The following LRP1B variants were observed in gnomAD, a reference collection of about 807,000 sequenced individuals.
LRP1B encodes LDL receptor related protein 1B, also known as low-density lipoprotein receptor-related protein 1B.
In LRP1B, 217 loss-of-function variants were observed where a neutral mutation model predicts 556.6. The ratio of observed to expected loss-of-function variants is 0.39; its 90% CI spans 0.35 to 0.44. LRP1B has a LOEUF of 0.44. Ranked by LOEUF, LRP1B falls within the 20% of genes least tolerant of loss-of-function variation. The probability of loss-of-function intolerance (pLI) is 1.00; values close to 1 mark genes in which losing one functional copy is unlikely to be tolerated. For missense variants in LRP1B, 5,053 were observed against 5,620.8 expected (o/e 0.90, Z 3.23); for synonymous variants, 2,047 against 1,865.8 (o/e 1.10, Z -2.50).
chr2:140,798,981 G>A (rs1476997836), intron 32 of LRP1B, among the ~76,000 whole-genome samples: 4 of 152,074 alleles, frequency 2.6e-5, no homozygotes, highest in Non-Finnish European at 5.9e-5. Context: ...CAAAGTAGAT[G>A]CTCTGTAAAT....
intron 2 of LRP1B, among the ~76,000 whole-genome samples, chr2:141,791,148 C>G (rs900273743): frequency 5.3e-5 from 8 of 151,664 alleles, no homozygotes; most frequent in African/African-American, 1.9e-4. Context: ...CTAAAAAATT[C>G]CTGACACCAC....
At chr2:140,977,058 C>A (rs1045629583) in intron 18 of LRP1B, among the ~76,000 whole-genome samples, 1 of 152,150 alleles carries the variant, frequency 6.6e-6, no homozygotes, top group African/African-American at 2.4e-5. Context: ...CATGTTTAAT[C>A]ATGAAATGCC....
chr2:140,407,071 T>C (rs1045671697), intron 66 of LRP1B, among the ~76,000 whole-genome samples: 3 of 151,852 alleles, frequency 2.0e-5, no homozygotes, highest in Non-Finnish European at 4.4e-5. Context: ...TGAGAGAGTA[T>C]ACAGAAACAT....
intron 32 of LRP1B, among the ~76,000 whole-genome samples, chr2:140,812,831 T>C (rs1690974879): frequency 6.6e-6 from 1 of 152,052 alleles, no homozygotes; most frequent in Non-Finnish European, 1.5e-5. Context: ...TAACCGCAAA[T>C]GCAATTACTG....
At chr2:141,332,635 A>G (rs888384312) in intron 3 of LRP1B, among the ~76,000 whole-genome samples, 1 of 151,306 alleles carries the variant, frequency 6.6e-6, no homozygotes, top group Non-Finnish European at 1.5e-5. Context: ...TTTTCTTGAA[A>G]ATGGATGGGT....
intron 37 of LRP1B, among the ~76,000 whole-genome samples, chr2:140,706,334 G>A (rs986942670): frequency 7.9e-5 from 12 of 152,108 alleles, no homozygotes; most frequent in Non-Finnish European, 1.6e-4. Flanking sequence ...ATGGGCACAT[G>A]TAGCCCTACT....
rs961328194 is a variant in LRP1B at position 141,686,629 on chromosome 2, C to T, written c.205+123650G>A. Among the ~76,000 whole-genome samples, 11 of 152,058 alleles carry T rather than the reference C, an allele frequency of 7.2e-5. No individual in the cohort carries two copies. The East Asian group carries it at 2.1e-3, about 30-fold the overall frequency. ...TGGAGGGAAAAGAACTTCTGCTTTACTCTCAGACAAATCATTCATATATTC... is the reference window on the plus strand; with the variant it reads ...TGGAGGGAAAAGAACTTCTGCTTTATTCTCAGACAAATCATTCATATATTC... On this transcript the variant is annotated intron_variant, in intron 2 of 90. Coordinates refer to ENST00000389484, the MANE Select transcript of LRP1B (RefSeq NM_018557.3).
intron 3 of LRP1B, among the ~76,000 whole-genome samples, chr2:141,460,342 G>A (rs1681814480): frequency 6.6e-6 from 1 of 152,196 alleles, no homozygotes; most frequent in East Asian, 1.9e-4. Flanking sequence ...TGCCAAAAAT[G>A]TAAGGTAGAA....
chr2:141,244,855 C>G (rs1287291465), intron 5 of LRP1B, among the ~76,000 whole-genome samples: 2 of 151,980 alleles, frequency 1.3e-5, no homozygotes, highest in African/African-American at 2.4e-5. Context: ...CCCATGGTAA[C>G]TGCATATTTT....
intron 2 of LRP1B, among the ~76,000 whole-genome samples, chr2:141,787,424 C>T (rs1595320): frequency 0.19 from 28,434 of 151,794 alleles, 3,132 homozygotes; most frequent in East Asian, 0.38. Flanking sequence ...GAATTAGCTA[C>T]TGATATATGC....
At chr2:140,638,232 T>A (rs981039248) in intron 41 of LRP1B, among the ~76,000 whole-genome samples, 4 of 152,194 alleles carry the variant, frequency 2.6e-5, no homozygotes, top group Non-Finnish European at 5.9e-5. Flanking sequence ...TGAGCTGAGG[T>A]ATGATGTAGT....
intron 1 of LRP1B, among the ~76,000 whole-genome samples, chr2:141,906,457 C>G (rs960588111): frequency 6.6e-6 from 1 of 151,874 alleles, no homozygotes; most frequent in African/African-American, 2.4e-5. Flanking sequence ...TTTTGATAAC[C>G]TGGTGTCAGT....
chr2:140,505,247 C>T (rs1426318501), intron 53 of LRP1B, among the ~76,000 whole-genome samples: 9 of 150,436 alleles, frequency 6.0e-5, no homozygotes, highest in Admixed American at 4.6e-4. Flanking sequence ...GATGGAAAAC[C>T]GAGGCCCAGG....
chr2:141,192,095 G>A (rs1052334431), intron 6 of LRP1B, among the ~76,000 whole-genome samples: 2 of 151,874 alleles, frequency 1.3e-5, no homozygotes, highest in Admixed American at 6.6e-5. Flanking sequence ...CAAACACTTA[G>A]TAACTATGGG....
chr2:141,102,015 A>G (rs1700473891), intron 7 of LRP1B, among the ~76,000 whole-genome samples: 1 of 152,168 alleles, frequency 6.6e-6, no homozygotes, highest in Admixed American at 6.6e-5. Context: ...AAAGCTATGA[A>G]CTTATTTGGT....
At chr2:140,664,780 A>G (rs1013001043) in intron 41 of LRP1B, among the ~76,000 whole-genome samples, 1 of 152,050 alleles carries the variant, frequency 6.6e-6, no homozygotes, top group South Asian at 2.1e-4. Context: ...GCTTTGTGAC[A>G]TCTTTCCCTG....
At position 141,374,332 on chromosome 2, in the gene LRP1B, A is replaced by G. The variant is rs548867094; in HGVS notation, c.343+106064T>C. 3.3e-5 allele frequency among the ~76,000 whole-genome samples: 5 copies of G among 152,252 alleles called. No individual in the cohort carries two copies. The East Asian group carries it at 9.7e-4, about 29-fold the overall frequency. ...TACTTCTTTCACTTTAACTTTTGACATTCTGACTATAATATGTTTGGTGAA... is the reference window on the plus strand; with the variant it reads ...TACTTCTTTCACTTTAACTTTTGACGTTCTGACTATAATATGTTTGGTGAA... On this transcript the variant is annotated intron_variant, in intron 3 of 90. Transcript: ENST00000389484.
intron 6 of LRP1B, among the ~76,000 whole-genome samples, chr2:141,208,958 C>A (rs954924849): frequency 7.1e-5 from 10 of 141,444 alleles, no homozygotes; most frequent in African/African-American, 1.3e-4. Context: ...CTCCCTGAGG[C>A]CTTTAAAACA....
chr2:142,044,791 A>ATG (rs35923350), intron 1 of LRP1B, among the ~76,000 whole-genome samples: 82,145 of 151,206 alleles, frequency 0.54, 22,838 homozygotes, highest in East Asian at 0.69. Flanking sequence ...TAACATGAAA[A>ATG]TTAACGGTTA....
Sources: gnomAD v4.1 joint callset for allele counts (sites outside exome capture counted in the v4.1 genomes callset) on GRCh38, gnomAD v4.1.1 for gene constraint, MANE v1.5 for transcripts, NCBI Gene and HGNC (gene_info 2026-07-23, HGNC 2026-07-21) for gene names.